Variants in CAMKMT observed in about 807,000 individuals in gnomAD.
CAMKMT encodes calmodulin-lysine N-methyltransferase.
Under a neutral mutation model 48.0 loss-of-function variants are expected in CAMKMT, and 53 were observed. That is an observed-to-expected ratio of 1.10 (90% CI 0.89 to 1.39). The LOEUF (loss-of-function observed/expected upper bound fraction) is 1.39. Among genes scored for constraint, CAMKMT ranks in the 40% most tolerant of loss-of-function variants. CAMKMT has a pLI of 0.00. For missense variants in CAMKMT, 428 were observed against 402.7 expected, an observed-to-expected ratio of 1.06 and a Z score of -0.54; for synonymous variants, 165 against 152.3, an observed-to-expected ratio of 1.08 and a Z score of -0.61.
At chr2:44,511,245 TAATGGCCTGTGGCTCCA>T (rs1406084684) in intron 3 of CAMKMT, among the ~76,000 whole-genome samples, 1 of 152,260 alleles carries the variant, frequency 6.6e-6, no homozygotes, top group Non-Finnish European at 1.5e-5. Flanking sequence ...TCACTTAGAA[TAATGGCCTGTGGCTCCA>T]TCCAAGTTGC....
chr2:44,753,610 C>A (rs951125424), intron 8 of CAMKMT, among the ~76,000 whole-genome samples: 2 of 152,112 alleles, frequency 1.3e-5, no homozygotes, highest in African/African-American at 2.4e-5. Flanking sequence ...TCTATTACCT[C>A]CTGAGATATA....
chr2:44,687,222 G>A (rs1412910792), intron 3 of CAMKMT, among the ~76,000 whole-genome samples: 2 of 152,118 alleles, frequency 1.3e-5, no homozygotes, highest in East Asian at 3.9e-4. Context: ...ATGTTAAATG[G>A]TTTCCACTGT....
intron 2 of CAMKMT, among the ~76,000 whole-genome samples, chr2:44,383,790 C>T (rs1558560452): frequency 6.6e-6 from 1 of 152,152 alleles, no homozygotes; most frequent in Admixed American, 6.5e-5. Flanking sequence ...CCATCCAGGT[C>T]ACTGCAAATG....
intron 3 of CAMKMT, among the ~76,000 whole-genome samples, chr2:44,531,668 G>T (rs969309109): frequency 6.6e-6 from 1 of 152,082 alleles, no homozygotes; most frequent in Non-Finnish European, 1.5e-5. Flanking sequence ...TAAATAAACA[G>T]TGATACTGCA....
intron 3 of CAMKMT, among the ~76,000 whole-genome samples, chr2:44,590,583 C>T (rs1374906187): frequency 6.6e-6 from 1 of 152,174 alleles, no homozygotes; most frequent in Non-Finnish European, 1.5e-5. Flanking sequence ...TCATGTCCTT[C>T]ACCCACTTTT....
chr2:44,523,367 A>C (rs1477346086), intron 3 of CAMKMT, among the ~76,000 whole-genome samples: 2 of 149,208 alleles, frequency 1.3e-5, no homozygotes, highest in Non-Finnish European at 1.5e-5. Flanking sequence ...ATCTTGGCTC[A>C]CTGCAATCTC....
chr2:44,689,350 G>A (rs1458412154), intron 3 of CAMKMT, among the ~76,000 whole-genome samples: 1 of 150,796 alleles, frequency 6.6e-6, no homozygotes, highest in Non-Finnish European at 1.5e-5. Flanking sequence ...CCAGGCTGGA[G>A]TGCAGTGGCA....
intron 3 of CAMKMT, among the ~76,000 whole-genome samples, chr2:44,545,087 C>T (rs1464942164): frequency 6.6e-6 from 1 of 152,174 alleles, no homozygotes; most frequent in Non-Finnish European, 1.5e-5. Flanking sequence ...CTTACATTTA[C>T]CTATTCAGAT....
chr2:44,410,057 A>G (rs1339176675), intron 3 of CAMKMT, among the ~76,000 whole-genome samples: 1 of 151,694 alleles, frequency 6.6e-6, no homozygotes, highest in Non-Finnish European at 1.5e-5. Context: ...AGTTTTTAGT[A>G]TGTTTTCTTT....
At position 44,657,390 on chromosome 2, in the gene CAMKMT, C is replaced by G. The variant is rs1674436767; in HGVS notation, c.377-46893C>G. Among the ~76,000 whole-genome samples, 1 of 152,156 alleles carries G rather than the reference C, an allele frequency of 6.6e-6. No individual in the cohort carries two copies. The highest frequency in any genetic ancestry group is 1.5e-5 in the Non-Finnish European group (1 of 68,020). ...TTAAAAGTCTTAGCATTGAGGATCC[C>G]CATGAATATTGTGAACCTGAAGTTC... is the stretch of plus-strand genomic sequence containing the variant. On this transcript the variant is annotated intron_variant, in intron 3 of 10. Transcript: ENST00000378494. This position sits in a 1 kb window ranked among gnomAD's most constrained non-coding sequence, Gnocchi z 4.3.
chr2:44,679,251 C>T (rs556789034), intron 3 of CAMKMT, among the ~76,000 whole-genome samples: 1 of 152,246 alleles, frequency 6.6e-6, no homozygotes, highest in Admixed American at 6.5e-5. Context: ...CCCAAAACCT[C>T]AATATAGTGA....
intron 3 of CAMKMT, among the ~76,000 whole-genome samples, chr2:44,510,482 G>A (rs1458552829): frequency 6.6e-6 from 1 of 152,172 alleles, no homozygotes; most frequent in African/African-American, 2.4e-5. Flanking sequence ...TCACTTGGCT[G>A]AAGTGGTGGA....
chr2:44,416,253 G>T (rs1315175967), intron 3 of CAMKMT, among the ~76,000 whole-genome samples: 2 of 152,068 alleles, frequency 1.3e-5, no homozygotes, highest in African/African-American at 2.4e-5. Flanking sequence ...AAATTTAAAA[G>T]TAATGTATGA....
intron 3 of CAMKMT, among the ~76,000 whole-genome samples, chr2:44,502,019 A>T (rs1670031306): frequency 6.6e-6 from 1 of 152,174 alleles, no homozygotes; most frequent in South Asian, 2.1e-4. Flanking sequence ...TCACACATGT[A>T]ATGTCAGCCT....
At chr2:44,605,949 T>A (rs1320658274) in intron 3 of CAMKMT, among the ~76,000 whole-genome samples, 1 of 152,144 alleles carries the variant, frequency 6.6e-6, no homozygotes, top group East Asian at 1.9e-4. Context: ...AGGCAAAATT[T>A]CCTTTCAATC....
chr2:44,621,441 T>A (rs537535532), intron 3 of CAMKMT, among the ~76,000 whole-genome samples: 1 of 152,092 alleles, frequency 6.6e-6, no homozygotes, highest in Non-Finnish European at 1.5e-5. Context: ...CTGCTTTACA[T>A]TGGATGGCCT....
At chr2:44,416,526 A>G (rs890916744) in intron 3 of CAMKMT, among the ~76,000 whole-genome samples, 4 of 139,296 alleles carry the variant, frequency 2.9e-5, no homozygotes, top group Non-Finnish European at 6.2e-5. Context: ...ATGCATTCTT[A>G]TATGTTCTCT....
intron 3 of CAMKMT, among the ~76,000 whole-genome samples, chr2:44,541,565 C>CAT (rs1259831581): frequency 6.6e-6 from 1 of 151,854 alleles, no homozygotes; most frequent in Non-Finnish European, 1.5e-5. Context: ...TTGAAGGATA[C>CAT]ATATATATAT....
intron 3 of CAMKMT, among the ~76,000 whole-genome samples, chr2:44,581,796 C>T (rs373344483): frequency 3.9e-5 from 6 of 151,900 alleles, no homozygotes; most frequent in Admixed American, 6.6e-5. Flanking sequence ...GTCAGGAGTT[C>T]GAGACCAGCC....
Sources: allele counts gnomAD v4.1 joint callset (sites outside exome capture counted in the v4.1 genomes callset), GRCh38; gene constraint gnomAD v4.1.1; non-coding constraint Gnocchi (gnomAD v3.1); transcripts MANE v1.5; gene names NCBI Gene and HGNC (gene_info 2026-07-23, HGNC 2026-07-21).